The following TOX variants were observed in gnomAD, a reference collection of about 807,000 sequenced individuals.
TOX encodes the protein thymocyte selection-associated high mobility group box protein TOX.
Under a neutral mutation model 53.7 loss-of-function variants are expected in TOX, and 11 were observed. That is an observed-to-expected ratio of 0.20 (90% CI 0.13 to 0.34). TOX has a LOEUF of 0.34. Among genes scored for constraint, TOX ranks in the 10% least tolerant of loss-of-function variants. The probability of loss-of-function intolerance (pLI) is 1.00; values close to 1 mark genes in which losing one functional copy is unlikely to be tolerated. For missense variants in TOX, 570 were observed against 664.6 expected, an observed-to-expected ratio of 0.86 and a Z score of 1.56; for synonymous variants, 225 against 245.3, an observed-to-expected ratio of 0.92 and a Z score of 0.77.
At chr8:58,958,436 T>C (rs1812746650) in intron 2 of TOX, among the ~76,000 whole-genome samples, 1 of 152,236 alleles carries the variant, frequency 6.6e-6, no homozygotes, top group Non-Finnish European at 1.5e-5. Flanking sequence ...TTCAAACAAA[T>C]TCAATTAGCC....
intron 6 of TOX, among the ~76,000 whole-genome samples, chr8:58,823,889 T>C (rs541662997): frequency 2.0e-5 from 3 of 152,346 alleles, no homozygotes; most frequent in African/African-American, 7.2e-5. Context: ...TGCAAAGTCA[T>C]ATTTGGGGAA....
chr8:58,878,357 A>G (rs953407893), intron 3 of TOX, among the ~76,000 whole-genome samples: 1 of 152,186 alleles, frequency 6.6e-6, no homozygotes, highest in Non-Finnish European at 1.5e-5. Flanking sequence ...AAAATTCCAA[A>G]CAAAATTTTT....
chr8:58,887,386 T>C (rs1216632079), intron 3 of TOX, among the ~76,000 whole-genome samples: 1 of 151,954 alleles, frequency 6.6e-6, no homozygotes, highest in African/African-American at 2.4e-5. Flanking sequence ...GTTTTAAATA[T>C]TTGCTGAAAT....
rs533003531 is a variant in TOX, at chr8:58,819,611, C to A, written c.1006-3887G>T. Among the ~76,000 whole-genome samples the A allele has an allele frequency of 2.0e-3, 307 of 152,284 alleles. 1 individual carries two copies. The highest frequency in any genetic ancestry group is 3.0e-3 in the Non-Finnish European group (205 of 68,016). The stretch of plus-strand genomic sequence containing the variant: ...TACAACTCTATAAGCCTGAAGATAC[C>A]TTTTACTAACCAAATTGTTGATTAC... On this transcript the variant is annotated intron_variant, in intron 6 of 8. Coordinates refer to ENST00000361421, the MANE Select transcript of TOX (RefSeq NM_014729.3).
chr8:58,904,470 G>T (rs1811782145), intron 3 of TOX, among the ~76,000 whole-genome samples: 1 of 152,104 alleles, frequency 6.6e-6, no homozygotes, highest in South Asian at 2.1e-4. Context: ...AGCCTATGGG[G>T]ATTCGAGAAC....
At chr8:58,811,866 G>T (rs886741770) in intron 7 of TOX, among the ~76,000 whole-genome samples, 1 of 152,158 alleles carries the variant, frequency 6.6e-6, no homozygotes, top group African/African-American at 2.4e-5. Flanking sequence ...AGAAAAAAAT[G>T]AAACTATTAT....
chr8:58,912,181 A>G (rs1811920283), intron 3 of TOX, among the ~76,000 whole-genome samples: 1 of 152,246 alleles, frequency 6.6e-6, no homozygotes, highest in African/African-American at 2.4e-5. Flanking sequence ...CTTAAATTTA[A>G]TGAATTCACA....
chr8:58,915,570 A>G (rs1394157359), intron 3 of TOX, among the ~76,000 whole-genome samples: 2 of 131,568 alleles, frequency 1.5e-5, no homozygotes, highest in African/African-American at 5.9e-5. Context: ...ATCATCAAAG[A>G]CCAAAAGTAG....
At chr8:58,863,450 A>C (rs984848431) in intron 3 of TOX, among the ~76,000 whole-genome samples, 1 of 152,204 alleles carries the variant, frequency 6.6e-6, no homozygotes, top group Non-Finnish European at 1.5e-5. Context: ...AAACTGTTAC[A>C]GTCGCCACTG....
intron 3 of TOX, among the ~76,000 whole-genome samples, chr8:58,911,395 C>A (rs1811905766): frequency 6.6e-6 from 1 of 152,100 alleles, no homozygotes; most frequent in Admixed American, 6.5e-5. Flanking sequence ...AAACTTTATT[C>A]CAATTCCATA....
chr8:58,825,024 AT>A lies in TOX; in HGVS notation c.1005+1797del, dbSNP rs1292677022. On this transcript the variant is annotated intron_variant, in intron 6 of 8. Coordinates refer to ENST00000361421, the MANE Select transcript of TOX (RefSeq NM_014729.3). ...GTAAAAAAATTATAATGTAGAAAAA[AT>A]ATGTTTAAATATGACTGGTTATTAT... 2.6e-5 allele frequency among the ~76,000 whole-genome samples: 4 copies of A among 152,336 alleles called. No homozygotes were observed. The South Asian group carries it at 6.2e-4, about 24-fold the overall frequency.
chr8:59,088,877 C>G (rs1417077963), intron 1 of TOX, among the ~76,000 whole-genome samples: 1 of 152,092 alleles, frequency 6.6e-6, no homozygotes, highest in Non-Finnish European at 1.5e-5. Flanking sequence ...ACCTATTAGC[C>G]ACAAGTTATA....
At chr8:58,880,209 G>A (rs1244074712) in intron 3 of TOX, among the ~76,000 whole-genome samples, 1 of 152,154 alleles carries the variant, frequency 6.6e-6, no homozygotes, top group Non-Finnish European at 1.5e-5. Context: ...TATCTGCCTG[G>A]ATGTCAGTGC....
chr8:59,043,625 G>GT (rs953795543), intron 1 of TOX, among the ~76,000 whole-genome samples: 2 of 152,176 alleles, frequency 1.3e-5, no homozygotes, highest in Non-Finnish European at 2.9e-5. Context: ...CGGGTCAACT[G>GT]TGTAGTGTTA....
At chr8:59,045,389 G>T (rs1803664378) in intron 1 of TOX, among the ~76,000 whole-genome samples, 1 of 152,152 alleles carries the variant, frequency 6.6e-6, no homozygotes, top group African/African-American at 2.4e-5. Context: ...CAGAGCTCAA[G>T]ATTTTATTTT....
At chr8:59,000,184 G>T (rs908599663) in intron 1 of TOX, among the ~76,000 whole-genome samples, 2 of 152,146 alleles carry the variant, frequency 1.3e-5, no homozygotes, top group Non-Finnish European at 2.9e-5. Flanking sequence ...GAAATAAAAA[G>T]AATAGATGTG....
chr8:59,047,841 C>A (rs1454891037), intron 1 of TOX, among the ~76,000 whole-genome samples: 1 of 152,114 alleles, frequency 6.6e-6, no homozygotes, highest in East Asian at 1.9e-4. Flanking sequence ...ATTAAAATTT[C>A]TGTCTTTGCA....
intron 4 of TOX, among the ~76,000 whole-genome samples, chr8:58,848,132 C>A (rs1001837419): frequency 1.3e-5 from 2 of 151,708 alleles, no homozygotes; most frequent in Non-Finnish European, 2.9e-5. Context: ...ATAAATTGAA[C>A]GGAAGGTGTA....
At chr8:58,854,579 A>G (rs969202285) in intron 3 of TOX, among the ~76,000 whole-genome samples, 1 of 152,054 alleles carries the variant, frequency 6.6e-6, no homozygotes, top group African/African-American at 2.4e-5. Flanking sequence ...AATCTGGGTA[A>G]GGATGGTGAA....
Sources: gnomAD v4.1 joint callset for allele counts (sites outside exome capture counted in the v4.1 genomes callset) on GRCh38, gnomAD v4.1.1 for gene constraint, MANE v1.5 for transcripts, NCBI Gene and HGNC (gene_info 2026-07-23, HGNC 2026-07-21) for gene names.